The following TNIK variants were observed in gnomAD, a reference collection of about 807,000 sequenced individuals.
TNIK encodes TRAF2 and NCK interacting kinase, also known as TRAF2 and NCK-interacting protein kinase.
Under a neutral mutation model 191.3 loss-of-function variants are expected in TNIK, and 49 were observed. The ratio of observed to expected loss-of-function variants is 0.26; its 90% CI spans 0.20 to 0.32. TNIK has a LOEUF of 0.32. Ranked by LOEUF, TNIK falls within the 10% of genes least tolerant of loss-of-function variation. TNIK has a pLI of 1.00. For synonymous variants in TNIK, 594 were observed against 600.9 expected (o/e 0.99, Z 0.17); for missense variants, 1,155 against 1,702.3 (o/e 0.68, Z 5.66).
At chr3:171,378,129 A>T (rs1717515454) in intron 1 of TNIK, among the ~76,000 whole-genome samples, 1 of 152,228 alleles carries the variant, frequency 6.6e-6, no homozygotes, top group Non-Finnish European at 1.5e-5. Context: ...TCAGAGCCAG[A>T]AGCCCCAGAG....
intron 12 of TNIK, among the ~76,000 whole-genome samples, chr3:171,153,304 A>G (rs1732715012): frequency 6.6e-6 from 1 of 151,956 alleles, no homozygotes; most frequent in Non-Finnish European, 1.5e-5. Context: ...GCTCAGGCCT[A>G]CACTCTCTTC....
chr3:171,312,738 A>G (rs1284498044), intron 2 of TNIK, among the ~76,000 whole-genome samples: 3 of 152,110 alleles, frequency 2.0e-5, no homozygotes, highest in African/African-American at 7.2e-5. Context: ...TTCAGCTGGA[A>G]TGTCACGATG....
chr3:171,218,590 T>C (rs1394953914), intron 3 of TNIK, among the ~76,000 whole-genome samples: 1 of 151,368 alleles, frequency 6.6e-6, no homozygotes, highest in African/African-American at 2.4e-5. Context: ...CTTTTGGCTT[T>C]GGTTATTGGG....
intron 2 of TNIK, among the ~76,000 whole-genome samples, chr3:171,322,004 T>C (rs1178850340): frequency 6.6e-6 from 1 of 152,202 alleles, no homozygotes; most frequent in Non-Finnish European, 1.5e-5. Context: ...CAGAAATGTA[T>C]TCTAAAACTC....
At chr3:171,452,592 T>A (rs1179936680) in intron 1 of TNIK, among the ~76,000 whole-genome samples, 2 of 152,070 alleles carry the variant, frequency 1.3e-5, no homozygotes, top group Non-Finnish European at 1.5e-5. Flanking sequence ...CTGCCAGCTC[T>A]GTCAAGATAA....
At chr3:171,385,376 A>C (rs1718584484) in intron 1 of TNIK, among the ~76,000 whole-genome samples, 1 of 152,206 alleles carries the variant, frequency 6.6e-6, no homozygotes, top group Admixed American at 6.5e-5. Flanking sequence ...GCCTGAGACT[A>C]GACGGAGGTG....
At chr3:171,107,095 A>G (rs1017684753) in intron 21 of TNIK, 88 bp downstream of exon 21, 28 of 1,402,052 alleles carry the variant, frequency 2.0e-5, no homozygotes, top group Non-Finnish European at 2.7e-5. Context: ...GATTGCTCCC[A>G]TTGGCCACCT....
At chr3:171,264,349 C>A (rs1035264254) in intron 2 of TNIK, among the ~76,000 whole-genome samples, 4 of 151,862 alleles carry the variant, frequency 2.6e-5, no homozygotes, top group Non-Finnish European at 4.4e-5. Context: ...CACACACACA[C>A]ACATATATAT....
At position 171,366,509 on chromosome 3, in the gene TNIK, T is replaced by G. The variant is rs1371728173; in HGVS notation, c.123+3111A>C. Among the ~76,000 whole-genome samples, 2 of 151,962 alleles carry G rather than the reference T, an allele frequency of 1.3e-5. No homozygotes were observed. Among genetic ancestry groups the G allele is most frequent in the Non-Finnish European group, 2.9e-5 (2 of 68,038 alleles). Reference sequence around the variant, plus strand: ...TCTCTGAATACCTACATATACTTTTTATTTATTATATTAAGTATGTTTCTT... The same window carrying G: ...TCTCTGAATACCTACATATACTTTTGATTTATTATATTAAGTATGTTTCTT... On this transcript the variant is annotated intron_variant, in intron 2 of 32. Coordinates refer to ENST00000436636, the MANE Select transcript of TNIK (RefSeq NM_015028.4). This position sits in a 1 kb window ranked among gnomAD's most constrained non-coding sequence, Gnocchi z 4.1.
chr3:171,145,841 C>T (rs557323826), intron 12 of TNIK, among the ~76,000 whole-genome samples: 9 of 146,690 alleles, frequency 6.1e-5, no homozygotes, highest in Non-Finnish European at 8.9e-5. Flanking sequence ...CAGAAAAGTA[C>T]GCACCTACAC....
rs1376925657 is a variant in TNIK at position 171,219,131 on chromosome 3, T to TTATAAATATATATTTTA, written c.181-7891_181-7890insTAAAATATATATTTATA. ...ATATATATTTTATATAAATATATAA[T>TTATAAATATATATTTTA]TATAAATATATATTATAAAATATAT... On this transcript the variant is annotated intron_variant, in intron 3 of 32. Coordinates refer to ENST00000436636, the MANE Select transcript of TNIK (RefSeq NM_015028.4). 2.1e-3 allele frequency among the ~76,000 whole-genome samples: 285 copies of TTATAAATATATATTTTA among 134,370 alleles called. 1 individual carries two copies. Among genetic ancestry groups the TTATAAATATATATTTTA allele is most frequent in the African/African-American group, 7.6e-3 (277 of 36,518 alleles). 88.2% of individuals were successfully genotyped at this position (134,370 alleles called of 152,430 possible). A position where few individuals can be genotyped will look rare whatever the true frequency, so the allele number is the denominator to read the frequency against.
At chr3:171,228,060 A>G in intron 3 of TNIK, 105 bp downstream of exon 3, 2 of 1,316,880 alleles carry the variant, frequency 1.5e-6, no homozygotes, top group African/African-American at 2.9e-5. Flanking sequence ...TGCATTTTCA[A>G]CTTAACAATA....
intron 7 of TNIK, among the ~76,000 whole-genome samples, chr3:171,178,773 G>T (rs1736281015): frequency 6.6e-6 from 1 of 152,262 alleles, no homozygotes; most frequent in African/African-American, 2.4e-5. Flanking sequence ...CATGCATTTT[G>T]TACATTTTTC....
intron 16 of TNIK, among the ~76,000 whole-genome samples, chr3:171,126,704 C>A (rs1728526683): frequency 1.3e-5 from 2 of 152,146 alleles, no homozygotes. Flanking sequence ...TGGACTGGAC[C>A]AGGCATTCTA....
chr3:171,161,791 G>T lies in TNIK; in HGVS notation c.950-455C>A, dbSNP rs560909881. 4.5e-4 allele frequency among the ~76,000 whole-genome samples: 69 copies of T among 151,914 alleles called. 1 individual carries two copies. The East Asian group carries it at 0.013, about 28-fold the overall frequency. On this transcript the variant is annotated intron_variant, in intron 10 of 32. Coordinates refer to ENST00000436636, the MANE Select transcript of TNIK (RefSeq NM_015028.4). ...AAAAATTAGCCGGGCGTGGTGGCGG[G>T]TGCCTGTAGTCCCAGCTACTTGGGA...
chr3:171,266,825 A>G (rs915530011), intron 2 of TNIK, among the ~76,000 whole-genome samples: 2 of 152,212 alleles, frequency 1.3e-5, no homozygotes, highest in Non-Finnish European at 2.9e-5. Context: ...AAATCAGTCC[A>G]GCTTAAGTTA....
At chr3:171,372,369 C>T (rs777441746) in intron 1 of TNIK, among the ~76,000 whole-genome samples, 12 of 152,216 alleles carry the variant, frequency 7.9e-5, no homozygotes, top group Non-Finnish European at 1.3e-4. Context: ...ATCATCATAT[C>T]AGATGGGTTC....
chr3:171,220,178 CG>C (rs1182844335), intron 3 of TNIK, among the ~76,000 whole-genome samples: 1 of 151,918 alleles, frequency 6.6e-6, no homozygotes, highest in Middle Eastern at 3.2e-3. Context: ...CACTCATAAG[CG>C]GGAGTTGAAC....
intron 18 of TNIK, among the ~76,000 whole-genome samples, chr3:171,122,033 G>A (rs1727819028): frequency 6.6e-6 from 1 of 152,124 alleles, no homozygotes; most frequent in Middle Eastern, 3.2e-3. Flanking sequence ...GTGGTTCCAA[G>A]AGAAAAGGCT....
Sources: gnomAD v4.1 joint callset for allele counts (sites outside exome capture counted in the v4.1 genomes callset) on GRCh38, gnomAD v4.1.1 for gene constraint, Gnocchi (gnomAD v3.1) non-coding constraint, MANE v1.5 for transcripts, NCBI Gene and HGNC (gene_info 2026-07-23, HGNC 2026-07-21) for gene names.